The following SHC3 variants were observed in gnomAD, a reference collection of about 807,000 sequenced individuals.
SHC3 encodes SHC adaptor protein 3, also known as SHC-transforming protein 3.
Under a neutral mutation model 60.4 loss-of-function variants are expected in SHC3, and 15 were observed. The ratio of observed to expected loss-of-function variants is 0.25; its 90% CI spans 0.17 to 0.38. SHC3 has a LOEUF of 0.38. SHC3 is among the 10% of genes least tolerant of loss of function. The pLI is 1.00. For synonymous variants in SHC3, 294 were observed against 325.9 expected, an observed-to-expected ratio of 0.90 and a Z score of 1.05; for missense variants, 677 against 786.1, an observed-to-expected ratio of 0.86 and a Z score of 1.66.
intron 2 of SHC3, among the ~76,000 whole-genome samples, chr9:89,083,060 C>T (rs75929317): frequency 0.085 from 12,937 of 152,284 alleles, 647 homozygotes; most frequent in Admixed American, 0.13. Context: ...GCAGCTCTCA[C>T]CCCACACAAG....
intron 11 of SHC3, among the ~76,000 whole-genome samples, chr9:89,020,230 G>A (rs1325146427): frequency 6.6e-6 from 1 of 151,972 alleles, no homozygotes; most frequent in Non-Finnish European, 1.5e-5. Flanking sequence ...GTGGGGGTCA[G>A]GTTAAGGGGT....
At chr9:89,053,242 C>T (rs1224533393) in intron 6 of SHC3, among the ~76,000 whole-genome samples, 2 of 152,170 alleles carry the variant, frequency 1.3e-5, no homozygotes, top group Non-Finnish European at 2.9e-5. Flanking sequence ...TGCCGACAAT[C>T]GTATGCCAAG....
intron 1 of SHC3, among the ~76,000 whole-genome samples, chr9:89,172,562 G>GACACACACACACAGAC (rs996011613): frequency 8.3e-6 from 1 of 120,284 alleles, no homozygotes; most frequent in Non-Finnish European, 1.8e-5. Context: ...GACACACACA[G>GACACACACACACAGAC]ACACACACAC....
intron 2 of SHC3, among the ~76,000 whole-genome samples, chr9:89,097,867 G>T (rs931613687): frequency 6.6e-6 from 1 of 152,148 alleles, no homozygotes; most frequent in Non-Finnish European, 1.5e-5. Context: ...AATATTAACA[G>T]CATTTAATGA....
intron 11 of SHC3, among the ~76,000 whole-genome samples, chr9:89,027,871 G>A (rs1249107288): frequency 6.6e-6 from 1 of 152,150 alleles, no homozygotes; most frequent in Non-Finnish European, 1.5e-5. Context: ...AGGGACCCTT[G>A]CAACAGTGGG....
In SHC3 at chr9:89,044,332, C is replaced by T. The variant is rs563488907; in HGVS notation, c.1201+1414G>A. ...AGAACATGTGGTGGCTTCTGCCAGG[C>T]CTTATGTTTTATTGACTGGGCCAGC... On this transcript the variant is annotated intron_variant, in intron 9 of 11. Transcript: ENST00000375835. Among the ~76,000 whole-genome samples, 10 of 152,294 alleles carry T rather than the reference C, an allele frequency of 6.6e-5. No homozygotes were observed. The South Asian group carries it at 2.1e-3, about 32-fold the overall frequency.
At chr9:89,091,248 G>T (rs1825617222) in intron 2 of SHC3, among the ~76,000 whole-genome samples, 1 of 152,226 alleles carries the variant, frequency 6.6e-6, no homozygotes. Flanking sequence ...GGAGAAATAT[G>T]TTCTGCCAGA....
rs1826973137 is a variant in SHC3 at position 89,178,178 on chromosome 9, G to A, written c.283C>T (p.Arg95Trp). ...SSAARERAGA[R>W]LSGSCSAPSL... ...GGCGCGCTGCAGCTGCCCGAGAGCCGCGCGCCCGCCCGCTCCCGGGCGGCC... is the reference window on the plus strand; with the variant it reads ...GGCGCGCTGCAGCTGCCCGAGAGCCACGCGCCCGCCCGCTCCCGGGCGGCC... The change falls in exon 1 of 12, where the codon CGG becomes TGG. Residue 95 changes from arginine (R) to tryptophan (W), a missense_variant. By Grantham distance (101) the Arg-to-Trp change is moderately radical. Transcript: ENST00000375835. The surrounding 1 kb of genome is among the most constrained non-coding windows in gnomAD (Gnocchi z 6.9). 15 of 1,315,186 alleles carry A rather than the reference G, an allele frequency of 1.1e-5. No homozygotes were observed. Among genetic ancestry groups the A allele is most frequent in the African/African-American group, 3.1e-5 (2 of 64,410 alleles). The allele number at this position is 1,315,186 out of a possible 1,614,324, so 81.5% of individuals were successfully genotyped here.
chr9:89,178,769 G>T lies in SHC3; in HGVS notation c.-309C>A. ...TTGGGGCTGCTCACAGCAAAAGCAT[G>T]ACTCACTCTGAGAGGAGACCCTTCT... On this transcript the variant is annotated 5_prime_UTR_variant, in exon 1 of 12. Coordinates refer to ENST00000375835, the MANE Select transcript of SHC3 (RefSeq NM_016848.6). This position sits in a 1 kb window ranked among gnomAD's most constrained non-coding sequence, Gnocchi z 6.9. The T allele has an allele frequency of 3.6e-6, 1 of 278,096 alleles. No homozygotes were observed. The highest frequency in any genetic ancestry group is 6.7e-6 in the Non-Finnish European group (1 of 149,122). 17.2% of individuals were successfully genotyped at this position (278,096 alleles called of 1,614,324 possible).
chr9:89,045,928 A>T, intron 8 of SHC3, 95 bp from the exon 9 acceptor site: 1 of 1,263,558 alleles, frequency 7.9e-7, no homozygotes, highest in Non-Finnish European at 1.1e-6. Context: ...GTTGATCCTT[A>T]AGGTGGTTCG....
intron 11 of SHC3, among the ~76,000 whole-genome samples, chr9:89,028,625 A>C (rs1162626783): frequency 6.8e-6 from 1 of 146,968 alleles, no homozygotes; most frequent in Non-Finnish European, 1.5e-5. Context: ...GATATAGATT[A>C]TCTCTCTATA....
At chr9:89,130,806 G>A (rs1826233329) in intron 1 of SHC3, among the ~76,000 whole-genome samples, 1 of 152,084 alleles carries the variant, frequency 6.6e-6, no homozygotes, top group Admixed American at 6.6e-5. Context: ...GAGAAAGCAG[G>A]AAAGATCTAA....
intron 6 of SHC3, among the ~76,000 whole-genome samples, chr9:89,054,356 A>G (rs1283683278): frequency 6.6e-6 from 1 of 152,246 alleles, no homozygotes; most frequent in African/African-American, 2.4e-5. Flanking sequence ...GGCACCTGGC[A>G]GAGTCCTCAA....
At chr9:89,103,263 G>C (rs935791074) in intron 2 of SHC3, among the ~76,000 whole-genome samples, 2 of 152,192 alleles carry the variant, frequency 1.3e-5, no homozygotes, top group African/African-American at 4.8e-5. Flanking sequence ...TGACAAGGGA[G>C]CTTCTGAGGG....
rs764883924 is a variant in SHC3 at position 89,045,734 on chromosome 9, CT to C, written c.1201+11del. On this transcript the variant is annotated intron_variant, in intron 9 of 11. Coordinates refer to ENST00000375835, the MANE Select transcript of SHC3 (RefSeq NM_016848.6). ...CTTTTGTGTTTCTCACCCATCTCAC[CT>C]TGCCTCTCACCTTGCCTTAAAGGTG... is the stretch of plus-strand genomic sequence containing the variant. 2.7e-5 allele frequency: 44 copies of C among 1,613,460 alleles called. No homozygotes were observed. Among genetic ancestry groups the C allele is most frequent in the Non-Finnish European group, 3.7e-5 (44 of 1,179,660 alleles).
intron 6 of SHC3, 60 bp downstream of exon 6, chr9:89,065,469 A>T: frequency 6.4e-7 from 1 of 1,556,144 alleles, no homozygotes; most frequent in Non-Finnish European, 8.9e-7. Flanking sequence ...ACCAGCTTGT[A>T]TAGAATGTGA....
intron 11 of SHC3, among the ~76,000 whole-genome samples, chr9:89,033,427 T>C (rs1161903693): frequency 6.6e-6 from 1 of 152,210 alleles, no homozygotes; most frequent in Non-Finnish European, 1.5e-5. Flanking sequence ...TATTTTCTTT[T>C]AGATAACCAC....
intron 9 of SHC3, 51 bp from the exon 10 acceptor site, chr9:89,042,235 A>C: frequency 6.8e-7 from 1 of 1,473,208 alleles, no homozygotes; most frequent in East Asian, 2.5e-5. Flanking sequence ...ACACTATTCA[A>C]GCCACCCAGC....
At chr9:89,033,141 G>T (rs1401613819) in intron 11 of SHC3, among the ~76,000 whole-genome samples, 2 of 151,948 alleles carry the variant, frequency 1.3e-5, no homozygotes, top group Non-Finnish European at 2.9e-5. Flanking sequence ...GGCTCGCTTG[G>T]ATACCTGGTT....
Sources: gnomAD v4.1 joint callset for allele counts (sites outside exome capture counted in the v4.1 genomes callset) on GRCh38, gnomAD v4.1.1 for gene constraint, Gnocchi (gnomAD v3.1) non-coding constraint, MANE v1.5 for transcripts, NCBI Gene and HGNC (gene_info 2026-07-23, HGNC 2026-07-21) for gene names.